CHN2: variants seen among roughly 807,000 people sequenced by gnomAD.
The protein encoded by CHN2 is chimerin 2, also known as beta-chimaerin.
CHN2 carries 35 observed loss-of-function variants against 56.3 expected under a neutral mutation model. That is an observed-to-expected ratio of 0.62 (90% CI 0.47 to 0.82). The LOEUF is 0.82. Ranked by LOEUF, CHN2 falls within the 40% of genes least tolerant of loss-of-function variation. CHN2 has a pLI of 0.00. For missense variants in CHN2, 491 were observed against 580.5 expected (o/e 0.85, Z 1.58); for synonymous variants, 210 against 212.8 (o/e 0.99, Z 0.12).
chr7:29,467,151 A>T (rs987227958), intron 6 of CHN2, among the ~76,000 whole-genome samples: 10 of 152,230 alleles, frequency 6.6e-5, no homozygotes, highest in Admixed American at 6.5e-4. Flanking sequence ...TGCACAATAT[A>T]TTCCATTTTT....
intron 6 of CHN2, among the ~76,000 whole-genome samples, chr7:29,426,514 C>G (rs1451264584): frequency 6.6e-6 from 1 of 152,160 alleles, no homozygotes; most frequent in African/African-American, 2.4e-5. Context: ...CCTTCCATGA[C>G]CTTTAACCCT....
At chr7:29,286,157 C>T (rs13231178) in intron 1 of CHN2, among the ~76,000 whole-genome samples, 37 of 152,002 alleles carry the variant, frequency 2.4e-4, no homozygotes, top group Non-Finnish European at 4.1e-4. Flanking sequence ...ATAGTTTGCT[C>T]CTCCTTAGAT....
At chr7:29,169,118 T>C (rs1336066691) in intron 2 of CHN2, among the ~76,000 whole-genome samples, 1 of 152,188 alleles carries the variant, frequency 6.6e-6, no homozygotes, top group African/African-American at 2.4e-5. Context: ...ATTTTCCCCA[T>C]TTTATTCATT....
At chr7:29,309,171 G>A (rs1368703836) in intron 1 of CHN2, among the ~76,000 whole-genome samples, 1 of 152,132 alleles carries the variant, frequency 6.6e-6, no homozygotes, top group Non-Finnish European at 1.5e-5. Flanking sequence ...GCAGCCAAAA[G>A]CTTTTTTTTT....
intron 1 of CHN2, chr7:29,212,923 C>A: frequency 6.2e-7 from 1 of 1,610,686 alleles, no homozygotes; most frequent in Non-Finnish European, 8.5e-7. Flanking sequence ...CTGGAGCAAC[C>A]AGACCCAGAA....
chr7:29,473,900 A>T (rs1786366067), intron 6 of CHN2, among the ~76,000 whole-genome samples: 1 of 152,216 alleles, frequency 6.6e-6, no homozygotes, highest in Non-Finnish European at 1.5e-5. Flanking sequence ...AAATCTAATA[A>T]GAGTTTTATA....
At chr7:29,278,596 TG>T (rs1396501575) in intron 1 of CHN2, among the ~76,000 whole-genome samples, 2 of 152,220 alleles carry the variant, frequency 1.3e-5, no homozygotes, top group Non-Finnish European at 2.9e-5. Context: ...GGCTGGTATC[TG>T]TGGCATCTTG....
chr7:29,174,860 TAA>T (rs766262407), intron 2 of CHN2, among the ~76,000 whole-genome samples: 46 of 74,086 alleles, frequency 6.2e-4, no homozygotes, highest in Admixed American at 5.5e-4. Flanking sequence ...AAACTCCATC[TAA>T]AAAAAAAAAA....
chr7:29,357,686 T>C (rs1173470192), intron 2 of CHN2, among the ~76,000 whole-genome samples: 3 of 152,142 alleles, frequency 2.0e-5, no homozygotes. Context: ...AAGAAGACTA[T>C]AGAAGAGGTC....
intron 2 of CHN2, among the ~76,000 whole-genome samples, chr7:29,189,515 T>C (rs1012770197): frequency 2.0e-5 from 3 of 152,198 alleles, no homozygotes; most frequent in Admixed American, 1.3e-4. Flanking sequence ...CTTTAGTTTA[T>C]CCTAGATTTC....
Position 29,434,828 on chromosome 7 carries a change from ATGCCTG to A in CHN2, c.576+34002_576+34007del, listed in dbSNP as rs1783106195. Among the ~76,000 whole-genome samples, 3 of 152,192 alleles carry A rather than the reference ATGCCTG, an allele frequency of 2.0e-5. No homozygotes were observed. The South Asian group carries it at 6.2e-4, about 31-fold the overall frequency. ...TATTAACAGGCCAGCACAGTGTCTC[ATGCCTG>A]TAATCCTAGCAATTTGGAAGGCCAG... On this transcript the variant is annotated intron_variant, in intron 6 of 12. Transcript: ENST00000222792.
chr7:29,211,156 C>T (rs913467077), intron 1 of CHN2, among the ~76,000 whole-genome samples: 12 of 151,896 alleles, frequency 7.9e-5, no homozygotes, highest in East Asian at 1.9e-4. Context: ...CTGCAAGCTC[C>T]GCCTCCCGGG....
intron 2 of CHN2, among the ~76,000 whole-genome samples, chr7:29,173,258 A>G (rs1424902254): frequency 6.6e-6 from 1 of 152,190 alleles, no homozygotes; most frequent in Admixed American, 6.5e-5. Context: ...CCCAGAGGAA[A>G]AAAAGCCCTG....
At chr7:29,312,979 G>A (rs886872195) in intron 1 of CHN2, among the ~76,000 whole-genome samples, 11 of 152,228 alleles carry the variant, frequency 7.2e-5, no homozygotes, top group Admixed American at 7.2e-4. Context: ...TGTGACCATA[G>A]GAAGCCTCTG....
chr7:29,407,919 G>A (rs1461305326), intron 6 of CHN2, among the ~76,000 whole-genome samples: 1 of 152,182 alleles, frequency 6.6e-6, no homozygotes, highest in Non-Finnish European at 1.5e-5. Context: ...CGGGCTTGGT[G>A]GCTCATGCCT....
chr7:29,261,006 A>G (rs1234012667), intron 1 of CHN2, among the ~76,000 whole-genome samples: 2 of 152,150 alleles, frequency 1.3e-5, no homozygotes, highest in Non-Finnish European at 2.9e-5. Flanking sequence ...ATGATTTTTT[A>G]ATGCAGATTT....
At chr7:29,195,366 C>A in intron 1 of CHN2, 1 of 231,244 alleles carries the variant, frequency 4.3e-6, no homozygotes. Context: ...ACCTGTTTGC[C>A]GTGCCGCGCC....
chr7:29,293,658 T>A (rs1243070839), intron 1 of CHN2, among the ~76,000 whole-genome samples: 1 of 152,122 alleles, frequency 6.6e-6, no homozygotes, highest in African/African-American at 2.4e-5. Flanking sequence ...CTGCTTCGAA[T>A]GTGCTCTTCC....
At chr7:29,324,958 A>G (rs1388406265) in intron 1 of CHN2, among the ~76,000 whole-genome samples, 3 of 152,188 alleles carry the variant, frequency 2.0e-5, no homozygotes, top group Non-Finnish European at 4.4e-5. Context: ...TCATCAAGTT[A>G]TTGAGCTACC....
Sources: gnomAD v4.1 joint callset for allele counts (sites outside exome capture counted in the v4.1 genomes callset) on GRCh38, gnomAD v4.1.1 for gene constraint, MANE v1.5 for transcripts, NCBI Gene and HGNC (gene_info 2026-07-23, HGNC 2026-07-21) for gene names.